The following CHRM3 variants were observed in gnomAD, a reference collection of about 807,000 sequenced individuals.
CHRM3 encodes the protein muscarinic acetylcholine receptor M3.
A neutral mutation model predicts 41.8 loss-of-function variants in CHRM3; 11 were observed. The observed-to-expected ratio is 0.26, with a 90% CI of 0.17 to 0.44. The LOEUF is 0.44. Ranked by LOEUF, CHRM3 falls within the 20% of genes least tolerant of loss-of-function variation. CHRM3 has a pLI of 1.00. For synonymous variants in CHRM3, 297 were observed against 301.4 expected, an observed-to-expected ratio of 0.99 and a Z score of 0.15; for missense variants, 571 against 745.4, an observed-to-expected ratio of 0.77 and a Z score of 2.72.
At chr1:239,719,349 A>G (rs1347493682) in intron 5 of CHRM3, among the ~76,000 whole-genome samples, 1 of 152,012 alleles carries the variant, frequency 6.6e-6, no homozygotes, top group Non-Finnish European at 1.5e-5. Flanking sequence ...AATTGCATTC[A>G]GGTAAAACCA....
chr1:239,685,411 G>A (rs1659037177), intron 5 of CHRM3, among the ~76,000 whole-genome samples: 2 of 152,234 alleles, frequency 1.3e-5, no homozygotes, highest in Non-Finnish European at 2.9e-5. Context: ...ACAAGAAGGG[G>A]GTTGTAACCC....
chr1:239,502,291 G>A (rs1572521389), intron 2 of CHRM3, among the ~76,000 whole-genome samples: 2 of 152,078 alleles, frequency 1.3e-5, no homozygotes, highest in Middle Eastern at 6.8e-3. Flanking sequence ...ATCAATCAAG[G>A]CTACTATGAA....
At chr1:239,527,951 G>C (rs1670109783) in intron 2 of CHRM3, among the ~76,000 whole-genome samples, 1 of 152,016 alleles carries the variant, frequency 6.6e-6, no homozygotes, top group Non-Finnish European at 1.5e-5. Flanking sequence ...TATGAAAGTG[G>C]ACATGATGAC....
chr1:239,760,096 T>A (rs868175466), intron 5 of CHRM3, among the ~76,000 whole-genome samples: 221 of 150,532 alleles, frequency 1.5e-3, no homozygotes, highest in South Asian at 9.4e-3. Context: ...TTGTATTTTT[T>A]TTTTTTTTTC....
chr1:239,795,040 T>C (rs917037683), intron 5 of CHRM3, among the ~76,000 whole-genome samples: 1 of 152,212 alleles, frequency 6.6e-6, no homozygotes, highest in Non-Finnish European at 1.5e-5. Context: ...TAACCAATCT[T>C]TATGATATTG....
intron 4 of CHRM3, among the ~76,000 whole-genome samples, chr1:239,647,190 C>A (rs1416831872): frequency 6.6e-6 from 1 of 152,124 alleles, no homozygotes; most frequent in African/African-American, 2.4e-5. Flanking sequence ...CATCCGTGAC[C>A]CCATTTATCC....
chr1:239,565,090 G>C (rs1661226880), intron 3 of CHRM3, among the ~76,000 whole-genome samples: 1 of 152,120 alleles, frequency 6.6e-6, no homozygotes. Flanking sequence ...CTCCCCTATG[G>C]GGCGGGGTCA....
intron 3 of CHRM3, among the ~76,000 whole-genome samples, chr1:239,587,135 G>T (rs952122849): frequency 6.6e-6 from 1 of 152,116 alleles, no homozygotes; most frequent in Non-Finnish European, 1.5e-5. Context: ...AAATCAGCGC[G>T]TGGTGACCTT....
chr1:239,407,566 C>G (rs1415680927), intron 1 of CHRM3, among the ~76,000 whole-genome samples: 1 of 151,830 alleles, frequency 6.6e-6, no homozygotes, highest in South Asian at 2.1e-4. Context: ...ACTGACAAAC[C>G]CACCCTTATA....
chr1:239,419,667 T>C (rs1289519838), intron 1 of CHRM3, among the ~76,000 whole-genome samples: 1 of 152,208 alleles, frequency 6.6e-6, no homozygotes, highest in Non-Finnish European at 1.5e-5. Flanking sequence ...TGTCTATATA[T>C]TCCAGCATTC....
chr1:239,721,939 TA>T (rs1663014519), intron 5 of CHRM3, among the ~76,000 whole-genome samples: 1 of 151,838 alleles, frequency 6.6e-6, no homozygotes, highest in Admixed American at 6.6e-5. Context: ...GACTTTTTTT[TA>T]AGATGCACTT....
intron 6 of CHRM3, among the ~76,000 whole-genome samples, chr1:239,831,329 C>T (rs947807746): frequency 4.6e-5 from 7 of 152,102 alleles, no homozygotes; most frequent in Non-Finnish European, 1.0e-4. Flanking sequence ...TCACTCCCCT[C>T]GGGCCTGGAC....
At chr1:239,862,698 C>T (rs553843235) in intron 6 of CHRM3, among the ~76,000 whole-genome samples, 1 of 152,244 alleles carries the variant, frequency 6.6e-6, no homozygotes, top group East Asian at 1.9e-4. Flanking sequence ...GACTAAGACT[C>T]CCAGTCTGCT....
intron 5 of CHRM3, among the ~76,000 whole-genome samples, chr1:239,758,127 G>C (rs1666391279): frequency 6.6e-6 from 1 of 152,158 alleles, no homozygotes; most frequent in Non-Finnish European, 1.5e-5. Context: ...ACCTAAAACT[G>C]CCCATTGAGG....
intron 2 of CHRM3, among the ~76,000 whole-genome samples, chr1:239,527,983 T>A (rs1413139081): frequency 6.6e-6 from 1 of 152,216 alleles, no homozygotes; most frequent in Admixed American, 6.5e-5. Flanking sequence ...TTTTCCATGT[T>A]TTGCAAAGTT....
rs1360379836 is a variant in CHRM3, at chr1:239,387,545, T to C, written c.-521+318T>C. 6.6e-6 allele frequency among the ~76,000 whole-genome samples: 1 copy of C among 150,618 alleles called. No individual in the cohort carries two copies. The highest frequency in any genetic ancestry group is 1.5e-5 in the Non-Finnish European group (1 of 67,630). ...CATGCGAGCGGTGGCCGGGAGAGAGTCGGGGACGTCCCACCCCGCTCTCCC... is the reference window on the plus strand; with the variant it reads ...CATGCGAGCGGTGGCCGGGAGAGAGCCGGGGACGTCCCACCCCGCTCTCCC... On this transcript the variant is annotated intron_variant, in intron 1 of 6. Transcript: ENST00000676153. The surrounding 1 kb of genome is among the most constrained non-coding windows in gnomAD (Gnocchi z 5.1).
intron 5 of CHRM3, among the ~76,000 whole-genome samples, chr1:239,689,586 G>A (rs1423776494): frequency 2.0e-5 from 3 of 152,126 alleles, no homozygotes; most frequent in African/African-American, 4.8e-5. Context: ...GAGGGATTTC[G>A]TTTACTTCCA....
At chr1:239,812,519 C>T (rs1671194392) in intron 5 of CHRM3, among the ~76,000 whole-genome samples, 1 of 152,124 alleles carries the variant, frequency 6.6e-6, no homozygotes, top group South Asian at 2.1e-4. Flanking sequence ...AGGGTTTTTG[C>T]ATAATTAAAT....
chr1:239,650,145 G>A (rs1187445487), intron 4 of CHRM3, among the ~76,000 whole-genome samples: 1 of 152,192 alleles, frequency 6.6e-6, no homozygotes, highest in African/African-American at 2.4e-5. Context: ...AGCTCTGTCA[G>A]TAACTGATGT....
Sources: gnomAD v4.1 joint callset for allele counts (sites outside exome capture counted in the v4.1 genomes callset) on GRCh38, gnomAD v4.1.1 for gene constraint, Gnocchi (gnomAD v3.1) non-coding constraint, MANE v1.5 for transcripts, NCBI Gene and HGNC (gene_info 2026-07-23, HGNC 2026-07-21) for gene names.